The following DLC1 variants were observed in gnomAD, a reference collection of about 807,000 sequenced individuals.
DLC1 encodes DLC1 Rho GTPase activating protein.
Under a neutral mutation model 140.3 loss-of-function variants are expected in DLC1, and 54 were observed. The observed-to-expected ratio is 0.38, with a 90% CI of 0.31 to 0.48. DLC1 has a LOEUF of 0.48. Among genes scored for constraint, DLC1 ranks in the 20% least tolerant of loss-of-function variants. The pLI, the probability that DLC1 is intolerant of heterozygous loss-of-function variation, is 0.96. For synonymous variants in DLC1, 986 were observed against 728.1 expected, an observed-to-expected ratio of 1.35 and a Z score of -5.70; for missense variants, 2,536 against 1,907.0, an observed-to-expected ratio of 1.33 and a Z score of -6.14.
intron 5 of DLC1, among the ~76,000 whole-genome samples, chr8:13,285,253 A>G (rs1238764630): frequency 6.6e-6 from 1 of 152,148 alleles, no homozygotes; most frequent in Admixed American, 6.5e-5. Context: ...GATTTTTTTT[A>G]TAATGGTGCT....
chr8:13,485,701 G>A (rs1408952327), intron 2 of DLC1, among the ~76,000 whole-genome samples: 1 of 152,136 alleles, frequency 6.6e-6, no homozygotes, highest in Non-Finnish European at 1.5e-5. Context: ...CACAACTATT[G>A]TTCACTTATT....
intron 5 of DLC1, among the ~76,000 whole-genome samples, chr8:13,155,278 T>G (rs1325749296): frequency 6.6e-6 from 1 of 152,140 alleles, no homozygotes; most frequent in Non-Finnish European, 1.5e-5. Flanking sequence ...ATGTATCCAG[T>G]TTTTTATTGC....
At chr8:13,125,207 C>T (rs535142770) in intron 5 of DLC1, among the ~76,000 whole-genome samples, 1 of 152,176 alleles carries the variant, frequency 6.6e-6, no homozygotes, top group South Asian at 2.1e-4. Flanking sequence ...AAACTCCTGA[C>T]CTCAAGTGAG....
upstream of DLC1, among the ~76,000 whole-genome samples, chr8:13,519,346 T>C (rs1802696335): frequency 6.6e-6 from 1 of 152,146 alleles, no homozygotes; most frequent in African/African-American, 2.4e-5. Context: ...GCCAGGATGG[T>C]CTCGAGCTCC....
intron 2 of DLC1, among the ~76,000 whole-genome samples, chr8:13,467,939 T>C (rs11781856): frequency 6.6e-6 from 1 of 152,134 alleles, no homozygotes; most frequent in African/African-American, 2.4e-5. Context: ...TAAGTGGTTT[T>C]ATGCAGCTGA....
intron 5 of DLC1, among the ~76,000 whole-genome samples, chr8:13,117,513 T>A (rs990075961): frequency 6.6e-6 from 1 of 152,186 alleles, no homozygotes; most frequent in Non-Finnish European, 1.5e-5. Context: ...TTTTGCCCTA[T>A]CTGTGTGCCT....
At chr8:13,257,216 T>TA (rs36010634) in intron 5 of DLC1, among the ~76,000 whole-genome samples, 22,320 of 146,592 alleles carry the variant, frequency 0.15, 1,702 homozygotes, top group South Asian at 0.21. Flanking sequence ...ATGCTTATCA[T>TA]AAAAAAAAAA....
At chr8:13,167,500 C>G (rs1433047219) in intron 5 of DLC1, among the ~76,000 whole-genome samples, 2 of 152,114 alleles carry the variant, frequency 1.3e-5, no homozygotes, top group African/African-American at 4.8e-5. Context: ...GTGGGGAAAC[C>G]TCGGTATTTT....
intron 10 of DLC1, 30 bp downstream of exon 10, chr8:13,098,369 C>G: frequency 6.2e-7 from 1 of 1,607,830 alleles, no homozygotes; most frequent in Non-Finnish European, 8.5e-7. Flanking sequence ...TCATTTTCAA[C>G]GACAGTTGAC....
chr8:13,154,640 G>A (rs191038543), intron 5 of DLC1, among the ~76,000 whole-genome samples: 1 of 152,302 alleles, frequency 6.6e-6, no homozygotes, highest in East Asian at 1.9e-4. Flanking sequence ...CCAGAGAGGG[G>A]CTCCCACAGT....
intron 4 of DLC1, among the ~76,000 whole-genome samples, chr8:13,316,087 G>T (rs892050183): frequency 2.0e-5 from 3 of 152,180 alleles, no homozygotes; most frequent in African/African-American, 7.2e-5. Context: ...CGCAGGTTGC[G>T]CACTGGCTTA....
At chr8:13,283,323 C>CAG (rs1167713499) in intron 5 of DLC1, among the ~76,000 whole-genome samples, 1 of 151,620 alleles carries the variant, frequency 6.6e-6, no homozygotes, top group African/African-American at 2.4e-5. Context: ...CACACACACA[C>CAG]ACAGAAAAGA....
At chr8:13,401,025 G>C (rs1355297118) in intron 3 of DLC1, among the ~76,000 whole-genome samples, 1 of 152,156 alleles carries the variant, frequency 6.6e-6, no homozygotes, top group Non-Finnish European at 1.5e-5. Context: ...CTTGTAGTGT[G>C]TTGGGTTAGT....
rs534330837 is a variant in DLC1 at position 13,351,666 on chromosome 8, A to G, written c.1314+41887T>C. ...GTGACGTCTGCACTACAACAGCAGA[A>G]TTGAATACGTGGGACAGAGACTGGA... On this transcript the variant is annotated intron_variant, in intron 4 of 17. Transcript: ENST00000276297. Among the ~76,000 whole-genome samples the G allele has an allele frequency of 3.3e-4, 50 of 152,346 alleles. 3 individuals are homozygous for G. Among genetic ancestry groups the G allele is most frequent in the Admixed American group, 2.3e-3 (35 of 15,306 alleles).
At chr8:13,435,883 T>C (rs1386566123) in intron 2 of DLC1, among the ~76,000 whole-genome samples, 1 of 152,202 alleles carries the variant, frequency 6.6e-6, no homozygotes, top group East Asian at 1.9e-4. Context: ...TTGACTTATT[T>C]TAAGAAATTG....
At chr8:13,560,752 T>C (rs1462813673) in intron 1 of DLC1, among the ~76,000 whole-genome samples, 2 of 151,940 alleles carry the variant, frequency 1.3e-5, no homozygotes, top group South Asian at 2.1e-4. Context: ...TAATCTAATA[T>C]GGCTAGTGTC....
chr8:13,300,750 A>G (rs1832158626), intron 5 of DLC1, among the ~76,000 whole-genome samples: 1 of 152,236 alleles, frequency 6.6e-6, no homozygotes, highest in African/African-American at 2.4e-5. Flanking sequence ...ATGGCCAGCC[A>G]GGACAGTTTA....
intron 5 of DLC1, among the ~76,000 whole-genome samples, chr8:13,271,465 G>C (rs1189899895): frequency 6.6e-6 from 1 of 152,132 alleles, no homozygotes; most frequent in African/African-American, 2.4e-5. Context: ...CTAGTGAATT[G>C]GAGGACTCAT....
intron 2 of DLC1, among the ~76,000 whole-genome samples, chr8:13,462,079 C>A (rs962081422): frequency 3.9e-5 from 6 of 152,134 alleles, no homozygotes; most frequent in African/African-American, 1.2e-4. Context: ...ATAGTAGGGG[C>A]AGAATGAGAC....
Sources: allele counts gnomAD v4.1 joint callset (sites outside exome capture counted in the v4.1 genomes callset), GRCh38; gene constraint gnomAD v4.1.1; transcripts MANE v1.5; gene names NCBI Gene and HGNC (gene_info 2026-07-23, HGNC 2026-07-21).